The following MYO3A variants were observed in gnomAD, a reference collection of about 807,000 sequenced individuals.
MYO3A encodes the protein myosin IIIA.
A neutral mutation model predicts 192.7 loss-of-function variants in MYO3A; 180 were observed. That is an observed-to-expected ratio of 0.93 (90% confidence interval 0.83 to 1.06). The LOEUF (loss-of-function observed/expected upper bound fraction) is 1.06, where lower values mean the gene tolerates loss of function less well. MYO3A is among the 50% of genes least tolerant of loss of function. The pLI, the probability that MYO3A is intolerant of heterozygous loss-of-function variation, is 0.00. For missense variants in MYO3A, 1,896 were observed against 1,905.0 expected, an observed-to-expected ratio of 1.00 and a Z score of 0.09; for synonymous variants, 628 against 645.3, an observed-to-expected ratio of 0.97 and a Z score of 0.41.
rs1243013254 is a variant in MYO3A at position 26,039,311 on chromosome 10, C to T, written c.953+12779C>T. On this transcript the variant is annotated intron_variant, in intron 10 of 34. Transcript: ENST00000642920. Reference sequence around the variant, plus strand: ...CCAACCTCAGGTCATCCGCCTGTCTCGGCCTCCCAAAGTGCTGGGATTACA... The same window carrying T: ...CCAACCTCAGGTCATCCGCCTGTCTTGGCCTCCCAAAGTGCTGGGATTACA... 5.3e-5 allele frequency among the ~76,000 whole-genome samples: 8 copies of T among 149,968 alleles called. No homozygotes were observed. In the East Asian group the frequency reaches 1.2e-3, roughly 22 times the overall value.
intron 20 of MYO3A, among the ~76,000 whole-genome samples, chr10:26,134,184 A>G (rs1312631294): frequency 1.3e-5 from 2 of 152,308 alleles, no homozygotes; most frequent in African/African-American, 2.4e-5. Context: ...TCTAAAACTC[A>G]TCTCTTCAAA....
At chr10:25,949,866 A>G (rs1408520224) in intron 2 of MYO3A, among the ~76,000 whole-genome samples, 3 of 152,162 alleles carry the variant, frequency 2.0e-5, no homozygotes, top group Non-Finnish European at 4.4e-5. Flanking sequence ...CTAGGTACAG[A>G]GTAAGGCCAA....
chr10:25,992,112 C>A (rs1490761846), intron 4 of MYO3A, among the ~76,000 whole-genome samples: 1 of 149,882 alleles, frequency 6.7e-6, no homozygotes, highest in Non-Finnish European at 1.5e-5. Flanking sequence ...GGCAGTATGG[C>A]CATTTTCACA....
At chr10:26,184,374 A>G (rs576734132) in intron 31 of MYO3A, among the ~76,000 whole-genome samples, 12 of 152,350 alleles carry the variant, frequency 7.9e-5, no homozygotes, top group African/African-American at 2.9e-4. Flanking sequence ...TTAGGAGGAA[A>G]TGGAAATTTA....
chr10:26,202,681 G>C (rs530547069), intron 33 of MYO3A: 4 of 378,300 alleles, frequency 1.1e-5, no homozygotes, highest in South Asian at 2.5e-5. Context: ...GCAATCACTG[G>C]CTATTCTAGT....
chr10:26,003,814 A>G (rs1161074244), intron 6 of MYO3A, among the ~76,000 whole-genome samples: 2 of 152,170 alleles, frequency 1.3e-5, no homozygotes, highest in Non-Finnish European at 2.9e-5. Flanking sequence ...AAAGTACAGA[A>G]TGTACTTTTT....
intron 18 of MYO3A, among the ~76,000 whole-genome samples, chr10:26,121,735 A>G (rs1443120394): frequency 6.6e-6 from 1 of 152,212 alleles, no homozygotes; most frequent in Admixed American, 6.5e-5. Context: ...TGGACGACGG[A>G]GCAAGACTCT....
chr10:26,195,428 A>G (rs1285341023), intron 32 of MYO3A, among the ~76,000 whole-genome samples: 1 of 151,920 alleles, frequency 6.6e-6, no homozygotes, highest in Admixed American at 6.6e-5. Flanking sequence ...CAATTAACGT[A>G]TTTTCCACAC....
intron 4 of MYO3A, among the ~76,000 whole-genome samples, chr10:25,983,148 A>G (rs1324018403): frequency 1.3e-5 from 2 of 152,124 alleles, no homozygotes; most frequent in Non-Finnish European, 2.9e-5. Flanking sequence ...AATTAGAGAA[A>G]TGCAAAATTC....
chr10:26,150,680 C>T (rs78878578), intron 23 of MYO3A, among the ~76,000 whole-genome samples: 1 of 152,178 alleles, frequency 6.6e-6, no homozygotes, highest in Admixed American at 6.5e-5. Context: ...TCATAAGTGA[C>T]GTTGGTAATT....
intron 34 of MYO3A, among the ~76,000 whole-genome samples, chr10:26,205,647 G>C (rs1423431726): frequency 8.8e-6 from 1 of 113,608 alleles, no homozygotes; most frequent in Non-Finnish European, 1.7e-5. Flanking sequence ...GACAGAGTCT[G>C]GCTCTGTCGC....
intron 10 of MYO3A, among the ~76,000 whole-genome samples, chr10:26,058,605 G>A (rs12249006): frequency 0.47 from 71,902 of 151,992 alleles, 17,845 homozygotes; most frequent in Middle Eastern, 0.59. Context: ...ATGAATGATT[G>A]CTGTAGCTTT....
intron 30 of MYO3A, among the ~76,000 whole-genome samples, chr10:26,176,106 A>G (rs959483899): frequency 4.6e-5 from 7 of 152,164 alleles, no homozygotes; most frequent in African/African-American, 1.7e-4. Flanking sequence ...CATCCTGGCT[A>G]ACGTGGTGAA....
intron 26 of MYO3A, among the ~76,000 whole-genome samples, chr10:26,164,762 A>C (rs887022474): frequency 6.6e-6 from 1 of 152,168 alleles, no homozygotes; most frequent in African/African-American, 2.4e-5. Flanking sequence ...CAGGGAGTGC[A>C]CAACAAAGGA....
chr10:26,158,918 G>T lies in MYO3A; in HGVS notation c.2999+1403G>T, dbSNP rs564391851. On this transcript the variant is annotated intron_variant, in intron 26 of 34. Transcript: ENST00000642920. The stretch of plus-strand genomic sequence containing the variant: ...ATTTCTAATTTTCCTCCCCTCCTCC[G>T]TAAAACTTTATGCATTTTATTAGCC... Among the ~76,000 whole-genome samples the T allele has an allele frequency of 2.1e-4, 32 of 151,832 alleles. No homozygotes were observed. In the South Asian group the frequency reaches 5.6e-3, roughly 27 times the overall value.
At chr10:25,949,625 G>A (rs1285294130) in intron 2 of MYO3A, among the ~76,000 whole-genome samples, 1 of 152,038 alleles carries the variant, frequency 6.6e-6, no homozygotes, top group Non-Finnish European at 1.5e-5. Context: ...ATTCAGAAGT[G>A]TGTTTTTATA....
At chr10:25,973,125 T>C (rs971277835) in intron 4 of MYO3A, among the ~76,000 whole-genome samples, 1 of 152,178 alleles carries the variant, frequency 6.6e-6, no homozygotes, top group Non-Finnish European at 1.5e-5. Flanking sequence ...GACGGAATAG[T>C]TTTCCATTTG....
chr10:26,026,097 A>G (rs1231654196), intron 9 of MYO3A, among the ~76,000 whole-genome samples: 1 of 152,248 alleles, frequency 6.6e-6, no homozygotes, highest in African/African-American at 2.4e-5. Flanking sequence ...CTATGCAATA[A>G]TCCTTACTGG....
chr10:26,043,385 C>T (rs1487367361), intron 10 of MYO3A, among the ~76,000 whole-genome samples: 1 of 152,154 alleles, frequency 6.6e-6, no homozygotes, highest in Non-Finnish European at 1.5e-5. Context: ...GGATTATGTC[C>T]TTACTTCAGT....
Sources: gnomAD v4.1 joint callset for allele counts (sites outside exome capture counted in the v4.1 genomes callset) on GRCh38, gnomAD v4.1.1 for gene constraint, MANE v1.5 for transcripts, NCBI Gene and HGNC (gene_info 2026-07-23, HGNC 2026-07-21) for gene names.